TMX4: variants seen among roughly 807,000 people sequenced by gnomAD.
The protein encoded by TMX4 is thioredoxin related transmembrane protein 4.
A neutral mutation model predicts 33.3 loss-of-function variants in TMX4; 23 were observed. That is an observed-to-expected ratio of 0.69 (90% CI 0.50 to 0.98). The LOEUF (loss-of-function observed/expected upper bound fraction) is 0.98. Among genes scored for constraint, TMX4 ranks in the 50% least tolerant of loss-of-function variants. TMX4 has a pLI of 0.00. For missense variants in TMX4, 399 were observed against 448.9 expected (o/e 0.89, Z 1.01); for synonymous variants, 164 against 161.5 (o/e 1.02, Z -0.12).
At chr20:7,996,001 A>G in intron 5 of TMX4, 25 bp downstream of exon 5, 3 of 1,570,966 alleles carry the variant, frequency 1.9e-6, no homozygotes, top group South Asian at 1.2e-5. Flanking sequence ...CTGCAAATAT[A>G]AACGTTTTAT....
In TMX4 at chr20:7,982,426, T is replaced by C. The variant is rs1399734838; in HGVS notation, c.875A>G (p.Glu292Gly). The change falls in exon 8 of 8, where the codon GAG (glutamate) becomes GGG (glycine). Residue 292 changes from glutamate (E) to glycine (G), a missense_variant. Transcript: ENST00000246024. Reference sequence around the variant, plus strand: ...CCCCTGATCATTGGCCTCACTTCTCTCCTCATCCACACCAGCAGCCAAGTT... The same window carrying C: ...CCCCTGATCATTGGCCTCACTTCTCCCCTCATCCACACCAGCAGCCAAGTT... The part of the protein sequence containing the change: ...EDNLAAGVDE[E>G]RSEANDQGPP... 1 of 1,614,098 alleles carries C rather than the reference T, an allele frequency of 6.2e-7. No individual in the cohort carries two copies. The highest frequency in any genetic ancestry group is 1.7e-5 in the Admixed American group (1 of 60,014).
At chr20:7,990,061 C>A (rs1460084543) in intron 5 of TMX4, among the ~76,000 whole-genome samples, 2 of 152,112 alleles carry the variant, frequency 1.3e-5, no homozygotes, top group Non-Finnish European at 2.9e-5. Context: ...CTTTGGAAGG[C>A]CGAGGCGGGT....
chr20:8,015,112 G>A (rs1191424234), intron 1 of TMX4, among the ~76,000 whole-genome samples: 1 of 152,024 alleles, frequency 6.6e-6, no homozygotes, highest in African/African-American at 2.4e-5. Context: ...TGTGATGTAA[G>A]CCATGTAACT....
chr20:8,019,371 C>T (rs1484967039), intron 1 of TMX4, 67 bp downstream of exon 1: 3 of 1,471,348 alleles, frequency 2.0e-6, no homozygotes, highest in Admixed American at 2.4e-5. Flanking sequence ...GCCACCGGGC[C>T]GCGCGGGCTT....
In TMX4 at chr20:8,010,266, C is replaced by G; in HGVS notation, c.226G>C (p.Ala76Pro). The G allele has an allele frequency of 6.2e-7, 1 of 1,612,078 alleles. No individual in the cohort carries two copies. The highest frequency in any genetic ancestry group is 8.5e-7 in the Non-Finnish European group (1 of 1,178,594). ...SCQQTDSEWE[A>P]FAKNGEILQI... ...AGTATTTCACCATTCTTTGCAAAAG[C>G]CTCCCATTCTGAATCAGTCTGCTGG... The change falls in exon 2 of 8, where the codon GCT becomes CCT. Residue 76 changes from alanine (A) to proline (P), a missense_variant. Physicochemically the swap from Ala to Pro is conservative, Grantham distance 27. Transcript: ENST00000246024.
chr20:8,016,721 C>T (rs1164376033), intron 1 of TMX4, among the ~76,000 whole-genome samples: 1 of 151,962 alleles, frequency 6.6e-6, no homozygotes, highest in East Asian at 1.9e-4. Flanking sequence ...GAAAAAATTC[C>T]CAGATGAAAG....
chr20:7,987,450 C>A, intron 5 of TMX4, 61 bp from the exon 6 acceptor site: 1 of 1,196,454 alleles, frequency 8.4e-7, no homozygotes, highest in South Asian at 1.5e-5. Context: ...ATATTTCAAT[C>A]TCTCTCTCTA....
intron 5 of TMX4, among the ~76,000 whole-genome samples, chr20:7,993,917 A>C (rs2050665569): frequency 6.6e-6 from 1 of 152,146 alleles, no homozygotes; most frequent in South Asian, 2.1e-4. Flanking sequence ...AATAAATATA[A>C]ATGGATTAAA....
chr20:7,988,645 A>G (rs1162389612), intron 5 of TMX4, among the ~76,000 whole-genome samples: 1 of 152,232 alleles, frequency 6.6e-6, no homozygotes, highest in African/African-American at 2.4e-5. Context: ...CGAAAGGCAA[A>G]CACACTCTCA....
At chr20:7,996,405 C>T (rs1032356096) in intron 4 of TMX4, among the ~76,000 whole-genome samples, 20 of 152,302 alleles carry the variant, frequency 1.3e-4, no homozygotes, top group South Asian at 6.2e-4. Context: ...TAAGTGGACA[C>T]GTAATACTGT....
intron 5 of TMX4, among the ~76,000 whole-genome samples, chr20:7,994,680 T>C (rs1393215178): frequency 1.3e-5 from 2 of 152,198 alleles, no homozygotes; most frequent in Non-Finnish European, 2.9e-5. Context: ...AATTTCACAG[T>C]CAATGCTGCC....
At position 8,010,211 on chromosome 20, in the gene TMX4, A is replaced by G; in HGVS notation, c.281T>C (p.Ile94Thr). 6.2e-7 allele frequency: 1 copy of G among 1,607,592 alleles called. No homozygotes were observed. The highest frequency in any genetic ancestry group is 8.5e-7 in the Non-Finnish European group (1 of 1,176,944). Residue 94 changes from isoleucine to threonine, a missense_variant, in exon 2 of 8, where the codon ATT (isoleucine) becomes ACT (threonine). Ile to Thr is a moderately conservative substitution (Grantham distance 89, BLOSUM62 -1). Transcript: ENST00000246024. ...AACATTCACAGTACCTGGTTCTTGA[A>G]TGACATCTACCTTCCCCACACTGAT... ...LQISVGKVDV[I>T]QEPGLSGRFF...
chr20:8,019,302 A>G, intron 1 of TMX4, 136 bp downstream of exon 1: 1 of 1,064,596 alleles, frequency 9.4e-7, no homozygotes, highest in South Asian at 1.9e-5. Flanking sequence ...CCGGCGCCGC[A>G]GGTTGTTGGC....
chr20:8,010,142 A>G, intron 2 of TMX4, 58 bp downstream of exon 2: 2 of 1,484,164 alleles, frequency 1.3e-6, no homozygotes, highest in Non-Finnish European at 1.9e-6. Flanking sequence ...ATGCTTGAAA[A>G]AAATTCAAAA....
At chr20:8,001,618 C>G (rs1021435903) in intron 2 of TMX4, 77 bp from the exon 3 acceptor site, 7 of 1,343,990 alleles carry the variant, frequency 5.2e-6, no homozygotes, top group Non-Finnish European at 7.2e-6. Context: ...CTTTCATAAT[C>G]ACATTATTAA....
chr20:8,018,407 A>G (rs1367089385), intron 1 of TMX4, among the ~76,000 whole-genome samples: 3 of 43,636 alleles, frequency 6.9e-5, no homozygotes, highest in African/African-American at 1.2e-4. Flanking sequence ...GGAGGGAGGG[A>G]GAGAGAGAGA....
chr20:7,999,756 CCAGT>C lies in TMX4; in HGVS notation c.439_442del (p.Thr147AlafsTer8), dbSNP rs756828345. 1.2e-6 allele frequency: 2 copies of C among 1,611,558 alleles called. No homozygotes were observed. Among genetic ancestry groups the C allele is most frequent in the Non-Finnish European group, 1.7e-6 (2 of 1,179,260 alleles). ...CGTTAGAGAAGCCGGGGATTTCCAG[CCAGT>C]CAGAGGCTCGACTGATTGCCATTTC... On this transcript the variant is annotated frameshift_variant, in exon 4 of 8. Coordinates refer to ENST00000246024, the MANE Select transcript of TMX4 (RefSeq NM_021156.4). LOFTEE classifies it high-confidence loss of function.
chr20:7,995,974 T>G, intron 5 of TMX4, 52 bp downstream of exon 5: 1 of 1,414,814 alleles, frequency 7.1e-7, no homozygotes, highest in Non-Finnish European at 9.8e-7. Flanking sequence ...AAAGCTGTAT[T>G]TTTATTCTTA....
rs1256005842 is a variant in TMX4, at chr20:7,980,958, T to C, written c.*1293A>G. On this transcript the variant is annotated 3_prime_UTR_variant, in exon 8 of 8. Coordinates refer to ENST00000246024, the MANE Select transcript of TMX4 (RefSeq NM_021156.4). ...TTATTCTGTCTGGATCTAAGGAGCA[T>C]AGAATCAACTTTAGGCATCTTTCGT... 2.6e-5 allele frequency: 4 copies of C among 152,210 alleles called. No homozygotes were observed. Among genetic ancestry groups the C allele is most frequent in the South Asian group, 4.1e-4 (2 of 4,830 alleles). The allele number at this position is 152,210 out of a possible 1,614,324, so 9.4% of individuals were successfully genotyped here. A position where few individuals can be genotyped will look rare whatever the true frequency, so the allele number is the denominator to read the frequency against.
Sources: gnomAD v4.1 joint callset for allele counts (sites outside exome capture counted in the v4.1 genomes callset) on GRCh38, gnomAD v4.1.1 for gene constraint, MANE v1.5 for transcripts, NCBI Gene and HGNC (gene_info 2026-07-23, HGNC 2026-07-21) for gene names.